PIGF: variants seen among roughly 807,000 people sequenced by gnomAD.
PIGF encodes the protein GPI ethanolamine phosphate transferase, stabilizing subunit.
A neutral mutation model predicts 26.0 loss-of-function variants in PIGF; 23 were observed. The observed-to-expected ratio is 0.88, with a 90% CI of 0.64 to 1.25. PIGF has a LOEUF of 1.25. PIGF is among the 50% of genes most tolerant of loss of function. The pLI is 0.00. For missense variants in PIGF, 278 were observed against 249.9 expected, an observed-to-expected ratio of 1.11 and a Z score of -0.76; for synonymous variants, 93 against 92.6, an observed-to-expected ratio of 1.00 and a Z score of -0.03.
At chr2:46,590,337 A>G (rs1462291531) in intron 5 of PIGF, among the ~76,000 whole-genome samples, 1 of 152,162 alleles carries the variant, frequency 6.6e-6, no homozygotes, top group African/African-American at 2.4e-5. Flanking sequence ...AACAATCCCA[A>G]AATGGGTGAC....
chr2:46,596,364 C>T (rs75518660), intron 4 of PIGF, among the ~76,000 whole-genome samples: 1 of 152,170 alleles, frequency 6.6e-6, no homozygotes, highest in South Asian at 2.1e-4. Flanking sequence ...AAAATATGAT[C>T]ATCCAAGAGG....
intron 4 of PIGF, among the ~76,000 whole-genome samples, chr2:46,602,005 A>G (rs772641166): frequency 2.0e-4 from 30 of 151,820 alleles, no homozygotes; most frequent in Non-Finnish European, 2.7e-4. Flanking sequence ...TAGTCAGATT[A>G]TTACTTTCCT....
rs565333228 is a variant in PIGF at position 46,588,335 on chromosome 2, T to C, written c.546+4140A>G. 1.1e-6 allele frequency: 1 copy of C among 925,996 alleles called. No individual in the cohort carries two copies. Among genetic ancestry groups the C allele is most frequent in the African/African-American group, 1.7e-5 (1 of 59,014 alleles). 57.4% of individuals were successfully genotyped at this position (925,996 alleles called of 1,614,324 possible). A position where few individuals can be genotyped will look rare whatever the true frequency, so the allele number is the denominator to read the frequency against. On this transcript the variant is annotated intron_variant, in intron 5 of 5. Coordinates refer to ENST00000281382, the MANE Select transcript of PIGF (RefSeq NM_002643.4). This position sits in a 1 kb window ranked among gnomAD's most constrained non-coding sequence, Gnocchi z 4.1. ...AAACAACAAACTGAGACAATTAACA[T>C]ATTCTCTAATATATGAGAACTCAAA...
At chr2:46,590,574 G>A (rs1558700731) in intron 5 of PIGF, among the ~76,000 whole-genome samples, 1 of 152,040 alleles carries the variant, frequency 6.6e-6, no homozygotes. Flanking sequence ...ATGTCCCATA[G>A]TACTTTATTT....
intron 4 of PIGF, among the ~76,000 whole-genome samples, chr2:46,598,439 C>G (rs528049190): frequency 6.6e-6 from 1 of 151,856 alleles, no homozygotes; most frequent in South Asian, 2.1e-4. Flanking sequence ...GTAAGCTTCT[C>G]TAACCCACGG....
At chr2:46,594,276 T>G (rs113827521) in intron 4 of PIGF, among the ~76,000 whole-genome samples, 1 of 152,204 alleles carries the variant, frequency 6.6e-6, no homozygotes, top group African/African-American at 2.4e-5. Context: ...TATACTGTAA[T>G]ACATAAAGTG....
Position 46,588,636 on chromosome 2 carries a change from T to C in PIGF, c.546+3839A>G, listed in dbSNP as rs1032822908. On this transcript the variant is annotated intron_variant, in intron 5 of 5. Coordinates refer to ENST00000281382, the MANE Select transcript of PIGF (RefSeq NM_002643.4). This position sits in a 1 kb window ranked among gnomAD's most constrained non-coding sequence, Gnocchi z 4.1. ...TAAAAACCTCATGGTCAATTTCCTG[T>C]GCTCAGAATAACCAACAATATTTCT... 9 of 152,804 alleles carry C rather than the reference T, an allele frequency of 5.9e-5. No individual in the cohort carries two copies. The highest frequency in any genetic ancestry group is 1.9e-4 in the African/African-American group (8 of 41,470). 9.5% of individuals were successfully genotyped at this position (152,804 alleles called of 1,614,324 possible).
chr2:46,608,344 T>A (rs2104127090), intron 4 of PIGF, among the ~76,000 whole-genome samples: 1 of 152,346 alleles, frequency 6.6e-6, no homozygotes, highest in Non-Finnish European at 1.5e-5. Context: ...ATCTTCAGGC[T>A]CCTGTTCTAA....
At chr2:46,615,537 A>C (rs1450103612) in intron 1 of PIGF, 1 of 168,528 alleles carries the variant, frequency 5.9e-6, no homozygotes, top group Non-Finnish European at 1.3e-5. Flanking sequence ...TGTGTGGATT[A>C]AATTATCTAC....
rs759592600 is a variant in PIGF, at chr2:46,581,121, C to G, written c.*357G>C. On this transcript the variant is annotated 3_prime_UTR_variant, in exon 6 of 6. Coordinates refer to ENST00000281382, the MANE Select transcript of PIGF (RefSeq NM_002643.4). ...GTGGCCAAGGAAACTGTCCATTTCT[C>G]TCAGAAAGCAAATGAAATGCTACAG... is the stretch of plus-strand genomic sequence containing the variant. 2.1e-6 allele frequency: 3 copies of G among 1,430,260 alleles called. No homozygotes were observed. Among genetic ancestry groups the G allele is most frequent in the East Asian group, 4.8e-5 (2 of 42,042 alleles). 88.6% of individuals were successfully genotyped at this position (1,430,260 alleles called of 1,614,324 possible).
At chr2:46,607,268 C>T (rs985092409) in intron 4 of PIGF, among the ~76,000 whole-genome samples, 17 of 152,184 alleles carry the variant, frequency 1.1e-4, no homozygotes, top group Admixed American at 1.0e-3. Flanking sequence ...CATCACTTCG[C>T]AATAACTCAC....
At chr2:46,591,208 CAT>C (rs1464896212) in intron 5 of PIGF, among the ~76,000 whole-genome samples, 1 of 152,038 alleles carries the variant, frequency 6.6e-6, no homozygotes, top group Non-Finnish European at 1.5e-5. Context: ...TCGAATATTA[CAT>C]ATATGTAAGT....
At chr2:46,599,936 T>C (rs551098542) in intron 4 of PIGF, among the ~76,000 whole-genome samples, 237 of 152,290 alleles carry the variant, frequency 1.6e-3, no homozygotes, top group African/African-American at 5.3e-3. Flanking sequence ...TGAAGCTGCC[T>C]TTTGAGGACT....
chr2:46,582,674 CT>C lies in PIGF; in HGVS notation c.547-1084del, dbSNP rs1245422360. 2.0e-5 allele frequency: 3 copies of C among 152,628 alleles called. No homozygotes were observed. The East Asian group carries it at 5.8e-4, about 29-fold the overall frequency. The allele number at this position is 152,628 out of a possible 1,614,324, so 9.5% of individuals were successfully genotyped here. On this transcript the variant is annotated intron_variant, in intron 5 of 5. Transcript: ENST00000281382. ...CTTCTGTTAATTCACATGACTTGAG[CT>C]TATAGCTATGTCTACTGCACAGATT... is the stretch of plus-strand genomic sequence containing the variant.
In PIGF at chr2:46,613,896, A is replaced by T. The variant is rs117639450; in HGVS notation, c.229-111T>A. 8.9e-6 allele frequency: 8 copies of T among 903,318 alleles called. No homozygotes were observed. The East Asian group carries it at 1.9e-4, about 22-fold the overall frequency. The allele number at this position is 903,318 out of a possible 1,614,324, so 56.0% of individuals were successfully genotyped here. A position where few individuals can be genotyped will look rare whatever the true frequency, so the allele number is the denominator to read the frequency against. Reference sequence around the variant, plus strand: ...TTCCCATAATGTGTAAAACAGTTCAAATGTTCTTGGGTATACTCAAATCAG... The same window carrying T: ...TTCCCATAATGTGTAAAACAGTTCATATGTTCTTGGGTATACTCAAATCAG... On this transcript the variant is annotated intron_variant, in intron 2 of 5. Transcript: ENST00000281382.
chr2:46,594,772 G>A lies in PIGF; in HGVS notation c.438-2189C>T, dbSNP rs554205556. Among the ~76,000 whole-genome samples, 13 of 151,034 alleles carry A rather than the reference G, an allele frequency of 8.6e-5. No individual in the cohort carries two copies. In the East Asian group the frequency reaches 2.5e-3, roughly 30 times the overall value. ...GCTGGTCTCGAACTCCTGACCTTGT[G>A]ATCCGCCGGCCTCAGCCTCCCAAAG... On this transcript the variant is annotated intron_variant, in intron 4 of 5. Transcript: ENST00000281382.
chr2:46,581,747 A>G lies in PIGF; in HGVS notation c.547-156T>C, dbSNP rs1002200899. ...CATAACTGCATTTATCATGAACACT[A>G]AAAATGTACACATTTTAGTTAATGT... On this transcript the variant is annotated intron_variant, in intron 5 of 5. Coordinates refer to ENST00000281382, the MANE Select transcript of PIGF (RefSeq NM_002643.4). 5 of 1,068,546 alleles carry G rather than the reference A, an allele frequency of 4.7e-6. No homozygotes were observed. The African/African-American group carries it at 6.5e-5, about 14-fold the overall frequency. The allele number at this position is 1,068,546 out of a possible 1,614,324, so 66.2% of individuals were successfully genotyped here. A position where few individuals can be genotyped will look rare whatever the true frequency, so the allele number is the denominator to read the frequency against.
At chr2:46,585,188 G>T (rs888184863) in intron 5 of PIGF, among the ~76,000 whole-genome samples, 1 of 152,114 alleles carries the variant, frequency 6.6e-6, no homozygotes, top group African/African-American at 2.4e-5. Context: ...TTTGTTTAAA[G>T]AAAATAGGAA....
intron 4 of PIGF, among the ~76,000 whole-genome samples, chr2:46,593,306 T>C (rs1191251552): frequency 6.6e-6 from 1 of 152,148 alleles, no homozygotes; most frequent in Non-Finnish European, 1.5e-5. Flanking sequence ...CTAATTTTTG[T>C]ACTTTTAGTA....
Sources: gnomAD v4.1 joint callset for allele counts (sites outside exome capture counted in the v4.1 genomes callset) on GRCh38, gnomAD v4.1.1 for gene constraint, Gnocchi (gnomAD v3.1) non-coding constraint, MANE v1.5 for transcripts, NCBI Gene and HGNC (gene_info 2026-07-23, HGNC 2026-07-21) for gene names.